Variants in NRXN1 observed in about 807,000 individuals in gnomAD.
NRXN1 encodes the protein neurexin-1.
NRXN1 carries 39 observed loss-of-function variants against 150.9 expected under a neutral mutation model. The observed-to-expected ratio is 0.26, with a 90% CI of 0.20 to 0.34. The LOEUF (loss-of-function observed/expected upper bound fraction) is 0.34, where lower values mean the gene tolerates loss of function less well. NRXN1 is among the 10% of genes least tolerant of loss of function. The probability of loss-of-function intolerance (pLI) is 1.00; values close to 1 mark genes in which losing one functional copy is unlikely to be tolerated. For missense variants in NRXN1, 1,815 were observed against 1,949.9 expected, an observed-to-expected ratio of 0.93 and a Z score of 1.30; for synonymous variants, 924 against 757.0, an observed-to-expected ratio of 1.22 and a Z score of -3.62.
chr2:50,105,985 T>C (rs1701587373), intron 18 of NRXN1, among the ~76,000 whole-genome samples: 1 of 151,870 alleles, frequency 6.6e-6, no homozygotes, highest in South Asian at 2.1e-4. Context: ...TTTTCTATTA[T>C]AATTTTTCAA....
intron 5 of NRXN1, among the ~76,000 whole-genome samples, chr2:50,697,305 G>C (rs1430037904): frequency 2.0e-5 from 3 of 152,106 alleles, no homozygotes; most frequent in Non-Finnish European, 4.4e-5. Flanking sequence ...AGGTAAGTTA[G>C]GACAGTATAT....
Position 50,091,339 on chromosome 2 carries a change from G to C in NRXN1, c.3702C>G (p.Ile1234Met), listed in dbSNP as rs201812430. 3.7e-6 allele frequency: 6 copies of C among 1,614,110 alleles called. No homozygotes were observed. The highest frequency in any genetic ancestry group is 5.1e-6 in the Non-Finnish European group (6 of 1,180,024). Residue 1234 changes from isoleucine (I) to methionine (M), a missense_variant, in exon 19 of 23, where the codon ATC (isoleucine) becomes ATG (methionine). Physicochemically the swap from Ile to Met is conservative, Grantham distance 10 (BLOSUM62 1). Around this residue, in one of 6 missense-constraint regions of NRXN1, gnomAD observed 339 missense variants for 440.3 expected, o/e 0.77. Coordinates refer to ENST00000401669, the MANE Select transcript of NRXN1 (RefSeq NM_001330078.2). ...ATLQVDSWPV[I>M]ERYPAGNNDN... ...CTTGCTTACCTGCAGGGTAGCGCTC[G>C]ATCACTGGCCAGCTGTCCACCTGCA... is the stretch of plus-strand genomic sequence containing the variant.
At chr2:50,623,062 C>T (rs937272101) in intron 6 of NRXN1, among the ~76,000 whole-genome samples, 11 of 152,106 alleles carry the variant, frequency 7.2e-5, no homozygotes, top group Admixed American at 2.0e-4. Context: ...AAGGGCAGGT[C>T]GCAGGGATAT....
intron 8 of NRXN1, among the ~76,000 whole-genome samples, chr2:50,607,411 C>G (rs1000064747): frequency 6.6e-6 from 1 of 152,178 alleles, no homozygotes; most frequent in African/African-American, 2.4e-5. Context: ...AAAATTCATG[C>G]TGCAGAAGCA....
chr2:50,562,965 A>G (rs892445881), intron 8 of NRXN1, among the ~76,000 whole-genome samples: 1 of 152,170 alleles, frequency 6.6e-6, no homozygotes, highest in Non-Finnish European at 1.5e-5. Flanking sequence ...CGTTATAAAC[A>G]TTATAAACAT....
chr2:50,704,334 A>C (rs1694153045), intron 5 of NRXN1, among the ~76,000 whole-genome samples: 1 of 152,040 alleles, frequency 6.6e-6, no homozygotes, highest in African/African-American at 2.4e-5. Context: ...CTTTAGGCAA[A>C]GTTTCCTTAC....
intron 5 of NRXN1, among the ~76,000 whole-genome samples, chr2:50,681,310 C>A (rs1023369639): frequency 4.6e-5 from 7 of 152,168 alleles, no homozygotes; most frequent in Non-Finnish European, 1.0e-4. Flanking sequence ...GAAGACTAGA[C>A]CAACTGGAAA....
At chr2:50,448,327 A>G (rs1213649038) in intron 17 of NRXN1, among the ~76,000 whole-genome samples, 3 of 152,146 alleles carry the variant, frequency 2.0e-5, no homozygotes, top group African/African-American at 7.2e-5. Flanking sequence ...TCTCCCTCCA[A>G]TTAAAGAATA....
chr2:50,683,417 G>A (rs1690709476), intron 5 of NRXN1, among the ~76,000 whole-genome samples: 2 of 150,286 alleles, frequency 1.3e-5, no homozygotes, highest in South Asian at 4.2e-4. Flanking sequence ...CGGATCACGA[G>A]GTCAGGAGAT....
chr2:50,346,741 G>A lies in NRXN1; in HGVS notation c.3365-109771C>T. 6.2e-7 allele frequency: 1 copy of A among 1,613,926 alleles called. No individual in the cohort carries two copies. Among genetic ancestry groups the A allele is most frequent in the Non-Finnish European group, 8.5e-7 (1 of 1,179,966 alleles). On this transcript the variant is annotated intron_variant, in intron 17 of 22. Coordinates refer to ENST00000401669, the MANE Select transcript of NRXN1 (RefSeq NM_001330078.2). This position sits in a 1 kb window ranked among gnomAD's most constrained non-coding sequence, Gnocchi z 5.0. ...TGACCTGTAGATTGCAATAGGCACT[G>A]AATGATGCTTGCTGCTGCCATGGAA...
At chr2:50,878,703 G>A (rs1486341545) in intron 5 of NRXN1, among the ~76,000 whole-genome samples, 1 of 151,842 alleles carries the variant, frequency 6.6e-6, no homozygotes, top group Non-Finnish European at 1.5e-5. Context: ...ACAATAAATA[G>A]CATGGCTGAC....
chr2:50,127,679 A>T (rs1369712540), intron 18 of NRXN1, among the ~76,000 whole-genome samples: 1 of 152,160 alleles, frequency 6.6e-6, no homozygotes, highest in African/African-American at 2.4e-5. Context: ...AATGACCAGG[A>T]AGTCTTGTGG....
chr2:50,776,981 T>C (rs1265140163), intron 5 of NRXN1, among the ~76,000 whole-genome samples: 1 of 152,076 alleles, frequency 6.6e-6, no homozygotes, highest in African/African-American at 2.4e-5. Context: ...TAAGTGACCA[T>C]TTATTTTGTC....
chr2:50,591,148 G>C (rs1674124006), intron 8 of NRXN1, among the ~76,000 whole-genome samples: 1 of 152,090 alleles, frequency 6.6e-6, no homozygotes, highest in South Asian at 2.1e-4. Context: ...AATAGAGCTG[G>C]TTCTTTGAGG....
intron 21 of NRXN1, among the ~76,000 whole-genome samples, chr2:49,974,409 G>GA (rs1160643126): frequency 6.6e-6 from 1 of 151,962 alleles, no homozygotes; most frequent in Non-Finnish European, 1.5e-5. Flanking sequence ...ACCCCCGACC[G>GA]AAAAAAAGGC....
intron 5 of NRXN1, among the ~76,000 whole-genome samples, chr2:50,654,604 C>A (rs934207359): frequency 9.9e-5 from 15 of 152,148 alleles, no homozygotes; most frequent in African/African-American, 3.6e-4. Context: ...GGAATCGCCA[C>A]ACTGACTTCC....
At chr2:50,467,191 G>A (rs55946468) in intron 16 of NRXN1, among the ~76,000 whole-genome samples, 40,431 of 151,484 alleles carry the variant, frequency 0.27, 6,063 homozygotes, top group South Asian at 0.37. Flanking sequence ...TCAGAGTTAC[G>A]TCTGTATTTT....
At chr2:49,994,987 C>T (rs971905252) in intron 21 of NRXN1, among the ~76,000 whole-genome samples, 2 of 152,098 alleles carry the variant, frequency 1.3e-5, no homozygotes, top group African/African-American at 4.8e-5. Context: ...CTCATAATTT[C>T]ACCCAACTCA....
chr2:50,324,428 G>A (rs2076252758), intron 17 of NRXN1, among the ~76,000 whole-genome samples: 1 of 152,252 alleles, frequency 6.6e-6, no homozygotes, highest in Admixed American at 6.5e-5. Flanking sequence ...ATAAACTTCA[G>A]AAGCACTCAC....
Sources: gnomAD v4.1 joint callset for allele counts (sites outside exome capture counted in the v4.1 genomes callset) on GRCh38, gnomAD v4.1.1 for gene constraint, gnomAD v4.1.1 regional missense constraint, Gnocchi (gnomAD v3.1) non-coding constraint, MANE v1.5 for transcripts, NCBI Gene and HGNC (gene_info 2026-07-23, HGNC 2026-07-21) for gene names.